The following CLMP variants were observed in gnomAD, a reference collection of about 807,000 sequenced individuals.
CLMP encodes the protein CXADR like cell adhesion molecule.
In CLMP, 27 loss-of-function variants were observed where a neutral mutation model predicts 45.2. The observed-to-expected ratio is 0.60, with a 90% CI of 0.44 to 0.82. The LOEUF is 0.82. CLMP is among the 40% of genes least tolerant of loss of function. CLMP has a pLI of 0.00. For synonymous variants in CLMP, 167 were observed against 171.4 expected, an observed-to-expected ratio of 0.97 and a Z score of 0.20; for missense variants, 403 against 448.4, an observed-to-expected ratio of 0.90 and a Z score of 0.91.
chr11:123,141,149 T>C (rs923757144), intron 1 of CLMP, among the ~76,000 whole-genome samples: 1 of 150,758 alleles, frequency 6.6e-6, no homozygotes. Flanking sequence ...CTTTTCTTTG[T>C]ACATTATCCA....
At chr11:123,159,593 A>G (rs1861457980) in intron 1 of CLMP, among the ~76,000 whole-genome samples, 1 of 152,202 alleles carries the variant, frequency 6.6e-6, no homozygotes, top group African/African-American at 2.4e-5. Context: ...TACTATTTCA[A>G]TCTTGGCATA....
At chr11:123,085,595 T>TAAAAAAA (rs35921171) in intron 2 of CLMP, among the ~76,000 whole-genome samples, 23 of 82,060 alleles carry the variant, frequency 2.8e-4, no homozygotes, top group South Asian at 4.7e-4. Flanking sequence ...GCTACAAAGA[T>TAAAAAAA]AAAAAAAAAA....
chr11:123,074,187 T>TTC (rs1419579329), intron 6 of CLMP, among the ~76,000 whole-genome samples: 2 of 151,160 alleles, frequency 1.3e-5, no homozygotes, highest in African/African-American at 4.9e-5. Context: ...TTTTTTTTTT[T>TTC]TTTTTGAGAC....
chr11:123,136,560 A>ATTTTTTTTTT (rs34074982), intron 1 of CLMP, among the ~76,000 whole-genome samples: 2 of 85,882 alleles, frequency 2.3e-5, no homozygotes, highest in Non-Finnish European at 2.1e-5. Context: ...CTTTTAAGTA[A>ATTTTTTTTTT]TTTTTTTTTT....
At chr11:123,145,953 C>T (rs1861233456) in intron 1 of CLMP, among the ~76,000 whole-genome samples, 1 of 152,194 alleles carries the variant, frequency 6.6e-6, no homozygotes, top group Non-Finnish European at 1.5e-5. Flanking sequence ...GCCCATAACC[C>T]CAGCAGGCGG....
chr11:123,119,209 G>A (rs530356276), intron 1 of CLMP, among the ~76,000 whole-genome samples: 31 of 151,478 alleles, frequency 2.0e-4, no homozygotes, highest in African/African-American at 6.8e-4. Context: ...TCAGCCTCCC[G>A]AGTAGCTGGA....
At chr11:123,104,078 C>T (rs1042269763) in intron 1 of CLMP, among the ~76,000 whole-genome samples, 2 of 150,732 alleles carry the variant, frequency 1.3e-5, no homozygotes, top group African/African-American at 2.4e-5. Flanking sequence ...GATCAGCCCG[C>T]CTCGGCCTCC....
At chr11:123,093,516 T>G (rs897751853) in intron 2 of CLMP, among the ~76,000 whole-genome samples, 6 of 146,126 alleles carry the variant, frequency 4.1e-5, no homozygotes, top group African/African-American at 1.6e-4. Flanking sequence ...CTGGCTAATT[T>G]TTTGTGTTTT....
chr11:123,127,844 C>A (rs1001338291), intron 1 of CLMP, among the ~76,000 whole-genome samples: 2 of 152,036 alleles, frequency 1.3e-5, no homozygotes, highest in Non-Finnish European at 2.9e-5. Flanking sequence ...CGACACCAGC[C>A]TGGCCAACAT....
intron 1 of CLMP, among the ~76,000 whole-genome samples, chr11:123,133,207 G>A (rs1356490714): frequency 2.6e-5 from 4 of 152,154 alleles, no homozygotes; most frequent in Non-Finnish European, 4.4e-5. Context: ...GGCTGGAAAA[G>A]CGTAATGGAG....
chr11:123,137,766 T>TGCTGGCCTTCTGAGTG lies in CLMP; in HGVS notation c.29-39830_29-39815dup, dbSNP rs1227963819. Among the ~76,000 whole-genome samples, 8 of 152,284 alleles carry TGCTGGCCTTCTGAGTG rather than the reference T, an allele frequency of 5.3e-5. No homozygotes were observed. The East Asian group carries it at 1.4e-3, about 26-fold the overall frequency. On this transcript the variant is annotated intron_variant, in intron 1 of 6. Coordinates refer to ENST00000448775, the MANE Select transcript of CLMP (RefSeq NM_024769.5). The stretch of plus-strand genomic sequence containing the variant: ...AGAAGTCAGTTGGGCGCCCCGAAGC[T>TGCTGGCCTTCTGAGTG]GCTGGCCTTCTGAGTGGCGGAAGGC...
intron 2 of CLMP, among the ~76,000 whole-genome samples, chr11:123,094,572 T>C (rs1565380619): frequency 6.6e-6 from 1 of 152,206 alleles, no homozygotes; most frequent in Non-Finnish European, 1.5e-5. Context: ...ATTTTAAAAA[T>C]TGTTTTAGAA....
chr11:123,082,995 T>A, intron 5 of CLMP, 90 bp downstream of exon 5: 1 of 1,490,976 alleles, frequency 6.7e-7, no homozygotes, highest in Non-Finnish European at 9.2e-7. Context: ...ACCTTAACCT[T>A]ACTCTTACTT....
intron 1 of CLMP, among the ~76,000 whole-genome samples, chr11:123,150,301 A>T (rs1224476210): frequency 1.3e-5 from 2 of 150,992 alleles, no homozygotes; most frequent in Non-Finnish European, 2.9e-5. Flanking sequence ...AGAGGTGAGA[A>T]TTGTAGTTAC....
At chr11:123,194,720 G>C (rs1230971717) in intron 1 of CLMP, among the ~76,000 whole-genome samples, 193 bp downstream of exon 1, 1 of 152,196 alleles carries the variant, frequency 6.6e-6, no homozygotes, top group Non-Finnish European at 1.5e-5. Context: ...CCAGATGTGC[G>C]AGACAATCTC....
chr11:123,167,619 G>A (rs1861577012), intron 1 of CLMP, among the ~76,000 whole-genome samples: 1 of 152,196 alleles, frequency 6.6e-6, no homozygotes, highest in Admixed American at 6.5e-5. Flanking sequence ...AGCTTGGCCA[G>A]TTTGGCTGCA....
At chr11:123,136,304 C>T (rs184422961) in intron 1 of CLMP, 43 of 637,798 alleles carry the variant, frequency 6.7e-5, no homozygotes, top group Admixed American at 1.4e-4. Context: ...CTGGTGTCTT[C>T]GCGCATACTC....
chr11:123,103,469 G>A (rs900021098), intron 1 of CLMP, among the ~76,000 whole-genome samples: 21 of 152,268 alleles, frequency 1.4e-4, no homozygotes, highest in Admixed American at 1.2e-3. Flanking sequence ...ACATTGTGGC[G>A]GGTGGTGTGC....
chr11:123,104,371 C>T (rs1453811458), intron 1 of CLMP, among the ~76,000 whole-genome samples: 2 of 150,470 alleles, frequency 1.3e-5, no homozygotes, highest in Non-Finnish European at 3.0e-5. Context: ...TGAGCCACCG[C>T]GCCCGGTCCT....
Sources: gnomAD v4.1 joint callset for allele counts (sites outside exome capture counted in the v4.1 genomes callset) on GRCh38, gnomAD v4.1.1 for gene constraint, MANE v1.5 for transcripts, NCBI Gene and HGNC (gene_info 2026-07-23, HGNC 2026-07-21) for gene names.